Variants in DNAH7 observed in about 807,000 individuals in gnomAD.
DNAH7 encodes the protein axonemal beta dynein heavy chain 7.
Under a neutral mutation model 444.6 loss-of-function variants are expected in DNAH7, and 397 were observed. The ratio of observed to expected loss-of-function variants is 0.89; its 90% CI spans 0.82 to 0.97. DNAH7 has a LOEUF of 0.97. Among genes scored for constraint, DNAH7 ranks in the 50% least tolerant of loss-of-function variants. DNAH7 has a pLI of 0.00. For synonymous variants in DNAH7, 1,636 were observed against 1,624.4 expected (o/e 1.01, Z -0.17); for missense variants, 4,902 against 4,800.8 (o/e 1.02, Z -0.62).
At chr2:195,865,682 G>A (rs1247233390) in intron 40 of DNAH7, among the ~76,000 whole-genome samples, 1 of 152,098 alleles carries the variant, frequency 6.6e-6, no homozygotes, top group Non-Finnish European at 1.5e-5. Flanking sequence ...TGTCCCAGGG[G>A]TACAGTCTAT....
At chr2:195,993,882 C>A (rs1334852737) in intron 12 of DNAH7, among the ~76,000 whole-genome samples, 1 of 152,132 alleles carries the variant, frequency 6.6e-6, no homozygotes, top group Non-Finnish European at 1.5e-5. Flanking sequence ...GGTCAGGTGG[C>A]CAGACCCCAT....
At chr2:195,988,819 C>G (rs1357072583) in intron 12 of DNAH7, among the ~76,000 whole-genome samples, 1 of 152,116 alleles carries the variant, frequency 6.6e-6, no homozygotes, top group Non-Finnish European at 1.5e-5. Context: ...CAATTACCAA[C>G]CTGTCCCCAT....
chr2:196,051,152 C>G, intron 3 of DNAH7, 35 bp downstream of exon 3: 1 of 1,584,240 alleles, frequency 6.3e-7, no homozygotes, highest in Non-Finnish European at 8.6e-7. Flanking sequence ...TTTTGAAGCA[C>G]AAAAATTCAA....
At chr2:196,032,861 C>T (rs780970471) in intron 5 of DNAH7, among the ~76,000 whole-genome samples, 4 of 152,024 alleles carry the variant, frequency 2.6e-5, no homozygotes, top group Admixed American at 6.6e-5. Context: ...TAAAAAATCC[C>T]GAACAAAATA....
chr2:195,861,985 T>C (rs760094716), intron 41 of DNAH7, 39 bp from the exon 42 acceptor site: 3 of 1,513,988 alleles, frequency 2.0e-6, no homozygotes, highest in Admixed American at 3.4e-5. Flanking sequence ...TTATTAAGAT[T>C]ACGAATCTGG....
chr2:195,916,239 T>G (rs999400643), intron 24 of DNAH7, among the ~76,000 whole-genome samples: 3 of 152,202 alleles, frequency 2.0e-5, no homozygotes, highest in Non-Finnish European at 4.4e-5. Context: ...TGATGACTTT[T>G]TAGATATGAT....
chr2:195,810,787 C>T (rs1229052990), intron 51 of DNAH7, among the ~76,000 whole-genome samples: 1 of 152,134 alleles, frequency 6.6e-6, no homozygotes. Context: ...GCAATAGTTG[C>T]TAAAATACAG....
At chr2:195,855,687 G>A in intron 45 of DNAH7, 124 bp downstream of exon 45, 1 of 1,019,424 alleles carries the variant, frequency 9.8e-7, no homozygotes, top group Non-Finnish European at 1.4e-6. Context: ...GTGGCCTGCG[G>A]GTCATAGTTT....
chr2:195,851,978 G>A (rs1430657447), intron 46 of DNAH7, among the ~76,000 whole-genome samples: 1 of 152,152 alleles, frequency 6.6e-6, no homozygotes, highest in African/African-American at 2.4e-5. Flanking sequence ...AACACCACTG[G>A]CAGGGCACGG....
At chr2:195,756,076 CGAA>C in intron 62 of DNAH7, 54 bp downstream of exon 62, 1 of 1,524,480 alleles carries the variant, frequency 6.6e-7, no homozygotes, top group East Asian at 2.3e-5. Context: ...AGCATTCTGA[CGAA>C]GAAAATGAAA....
At chr2:195,807,853 T>C (rs1696784270) in intron 53 of DNAH7, among the ~76,000 whole-genome samples, 1 of 152,226 alleles carries the variant, frequency 6.6e-6, no homozygotes, top group African/African-American at 2.4e-5. Context: ...AAAACATTTT[T>C]ATTACTAACA....
At chr2:195,819,216 C>A (rs1164803768) in intron 49 of DNAH7, among the ~76,000 whole-genome samples, 1 of 152,026 alleles carries the variant, frequency 6.6e-6, no homozygotes, top group Non-Finnish European at 1.5e-5. Flanking sequence ...AATCACTACC[C>A]CAAGCTACTT....
In DNAH7 at chr2:195,952,546, C is replaced by T. The variant is rs553914049; in HGVS notation, c.3078+4715G>A. The stretch of plus-strand genomic sequence containing the variant: ...TTTTCCAGCTTGGTTCCATTCTCCC[C>T]GTCAATTTCAGGTACACCAATCAAA... On this transcript the variant is annotated intron_variant, in intron 19 of 64. Transcript: ENST00000312428. Among the ~76,000 whole-genome samples, 11 of 152,256 alleles carry T rather than the reference C, an allele frequency of 7.2e-5. No individual in the cohort carries two copies. The East Asian group carries it at 1.4e-3, about 19-fold the overall frequency.
rs1688062135 is a variant in DNAH7, at chr2:195,922,136, C to T, written c.3887G>A (p.Gly1296Asp). 3.7e-6 allele frequency: 6 copies of T among 1,613,164 alleles called. No individual in the cohort carries two copies. The highest frequency in any genetic ancestry group is 2.2e-5 in the East Asian group (1 of 44,848). Residue 1296 changes from glycine (G) to aspartate (D), a missense_variant, in exon 24 of 65, where the codon GGT (glycine) becomes GAT (aspartate). Physicochemically the swap from Gly to Asp is moderately conservative, Grantham distance 94 (BLOSUM62 -1). Coordinates refer to ENST00000312428, the MANE Select transcript of DNAH7 (RefSeq NM_018897.3). The stretch of plus-strand genomic sequence containing the variant: ...TGTAATAACCAGCCTAGGGGAATTA[C>T]CCAGATATTCATATCCATATCGCAA... ...AGLRYGYEYL[G>D]NSPRLVITPL...
chr2:195,884,967 G>T (rs1701625508), intron 34 of DNAH7, among the ~76,000 whole-genome samples, 158 bp from the exon 35 acceptor site: 1 of 152,098 alleles, frequency 6.6e-6, no homozygotes, highest in Non-Finnish European at 1.5e-5. Flanking sequence ...AATCATAAGG[G>T]TTTTTAAAAA....
At chr2:195,740,317 T>C (rs1046108602) in intron 64 of DNAH7, among the ~76,000 whole-genome samples, 11 of 152,102 alleles carry the variant, frequency 7.2e-5, no homozygotes, top group African/African-American at 2.2e-4. Flanking sequence ...ATGCGCCTCA[T>C]AGAGAAAATA....
intron 2 of DNAH7, among the ~76,000 whole-genome samples, chr2:196,054,976 G>A (rs1005671141): frequency 5.3e-5 from 8 of 152,074 alleles, no homozygotes; most frequent in African/African-American, 1.9e-4. Context: ...CCCAGTTTCG[G>A]GTATTTCTTC....
intron 58 of DNAH7, among the ~76,000 whole-genome samples, chr2:195,786,163 T>C (rs1405075876): frequency 1.3e-5 from 2 of 152,222 alleles, no homozygotes; most frequent in African/African-American, 2.4e-5. Context: ...TTTACTTTTA[T>C]AGAGATAGAA....
intron 4 of DNAH7, among the ~76,000 whole-genome samples, chr2:196,047,886 C>A (rs527710215): frequency 1.3e-4 from 20 of 151,988 alleles, no homozygotes; most frequent in Admixed American, 1.2e-3. Flanking sequence ...ATAAACACTA[C>A]ATTTAATGAG....
Sources: gnomAD v4.1 joint callset for allele counts (sites outside exome capture counted in the v4.1 genomes callset) on GRCh38, gnomAD v4.1.1 for gene constraint, MANE v1.5 for transcripts, NCBI Gene and HGNC (gene_info 2026-07-23, HGNC 2026-07-21) for gene names.